DSCAM: variants seen among roughly 807,000 people sequenced by gnomAD.
DSCAM encodes the protein DS cell adhesion molecule.
In DSCAM, 47 loss-of-function variants were observed where a neutral mutation model predicts 217.7. The observed-to-expected ratio is 0.22, with a 90% CI of 0.17 to 0.28. The LOEUF is 0.28. Ranked by LOEUF, DSCAM falls within the 10% of genes least tolerant of loss-of-function variation. The pLI is 1.00. For synonymous variants in DSCAM, 1,056 were observed against 1,015.3 expected, an observed-to-expected ratio of 1.04 and a Z score of -0.76; for missense variants, 2,080 against 2,618.3, an observed-to-expected ratio of 0.79 and a Z score of 4.49.
At chr21:40,175,086 C>T (rs1043686650) in intron 15 of DSCAM, among the ~76,000 whole-genome samples, 3 of 152,168 alleles carry the variant, frequency 2.0e-5, no homozygotes, top group Admixed American at 6.5e-5. Context: ...AACTGCATGA[C>T]TTATACACCA....
In DSCAM at chr21:40,353,786, T is replaced by A. The variant is rs1469352505; in HGVS notation, c.656-43A>T. 1.4e-5 allele frequency: 21 copies of A among 1,456,104 alleles called. 1 individual carries two copies. The South Asian group carries it at 1.8e-4, about 12-fold the overall frequency. 90.2% of individuals were successfully genotyped at this position (1,456,104 alleles called of 1,614,324 possible). ...ACTCTTAGAGGCAGGAATGAGGAGT[T>A]GAAGTGGTCATTTAGAATTGTAGGA... is the stretch of plus-strand genomic sequence containing the variant. On this transcript the variant is annotated intron_variant, in intron 4 of 32. Transcript: ENST00000400454.
At chr21:40,648,690 C>T (rs1042554032) in intron 3 of DSCAM, among the ~76,000 whole-genome samples, 7 of 152,142 alleles carry the variant, frequency 4.6e-5, no homozygotes, top group Non-Finnish European at 8.8e-5. Context: ...TTTGCACACT[C>T]ATAAACCAAT....
At chr21:40,479,008 T>C (rs1427701428) in intron 3 of DSCAM, among the ~76,000 whole-genome samples, 1 of 152,226 alleles carries the variant, frequency 6.6e-6, no homozygotes, top group African/African-American at 2.4e-5. Flanking sequence ...AGACCATGGT[T>C]GATCAAGGAA....
chr21:40,390,001 G>A lies in DSCAM; in HGVS notation c.509-20756C>T, dbSNP rs1253346344. ...TGAGAATAAGCCTCCTTGGTCACCTGCTCATCCTGTGTCTATCCATTCCCC... is the reference window on the plus strand; with the variant it reads ...TGAGAATAAGCCTCCTTGGTCACCTACTCATCCTGTGTCTATCCATTCCCC... On this transcript the variant is annotated intron_variant, in intron 3 of 32. Transcript: ENST00000400454. 2.6e-5 allele frequency among the ~76,000 whole-genome samples: 4 copies of A among 152,310 alleles called. No homozygotes were observed. The East Asian group carries it at 7.7e-4, about 29-fold the overall frequency.
At chr21:40,361,851 G>A (rs2074770113) in intron 4 of DSCAM, among the ~76,000 whole-genome samples, 1 of 152,110 alleles carries the variant, frequency 6.6e-6, no homozygotes, top group African/African-American at 2.4e-5. Flanking sequence ...TCCTTCTCTT[G>A]CTCACATGCA....
At chr21:40,459,802 A>C (rs575594273) in intron 3 of DSCAM, among the ~76,000 whole-genome samples, 1 of 147,894 alleles carries the variant, frequency 6.8e-6, no homozygotes, top group African/African-American at 2.6e-5. Flanking sequence ...ATTTTAAAGA[A>C]AACCTGCCCC....
chr21:40,337,494 T>C (rs569528748), intron 8 of DSCAM, among the ~76,000 whole-genome samples: 1 of 152,062 alleles, frequency 6.6e-6, no homozygotes, highest in South Asian at 2.1e-4. Context: ...CACCTTATTG[T>C]TTTTTTCTGG....
intron 3 of DSCAM, among the ~76,000 whole-genome samples, chr21:40,371,491 G>A (rs2074898492): frequency 6.6e-6 from 1 of 151,762 alleles, no homozygotes; most frequent in Non-Finnish European, 1.5e-5. Flanking sequence ...CATTAGAATT[G>A]ATAGGCCATG....
chr21:40,824,403 A>ATTTTTTTTTT lies in DSCAM; in HGVS notation c.43+22206_43+22215dup, dbSNP rs536114434. Among the ~76,000 whole-genome samples, 708 of 120,896 alleles carry ATTTTTTTTTT rather than the reference A, an allele frequency of 5.9e-3. 37 individuals carry two copies. The highest frequency in any genetic ancestry group is 0.023 in the African/African-American group (662 of 28,624). The allele number at this position is 120,896 out of a possible 152,430, so 79.3% of individuals were successfully genotyped here. A position where few individuals can be genotyped will look rare whatever the true frequency, so the allele number is the denominator to read the frequency against. ...GCTCCCTATCCCATTTTTATTATTG[A>ATTTTTTTTTT]TTTTTTTTTTTTTTTTTGGAGACAG... On this transcript the variant is annotated intron_variant, in intron 1 of 32. Coordinates refer to ENST00000400454, the MANE Select transcript of DSCAM (RefSeq NM_001389.5).
chr21:40,168,487 C>G (rs910006458), intron 15 of DSCAM, among the ~76,000 whole-genome samples: 1 of 152,062 alleles, frequency 6.6e-6, no homozygotes, highest in South Asian at 2.1e-4. Context: ...AAGCAAATGA[C>G]GACACAGAGA....
chr21:40,585,179 C>CTTTCCTTTT (rs371140909), intron 3 of DSCAM, among the ~76,000 whole-genome samples: 2 of 145,916 alleles, frequency 1.4e-5, no homozygotes, highest in African/African-American at 5.0e-5. Flanking sequence ...AAATCAACTT[C>CTTTCCTTTT]TTTTTTTTTT....
chr21:40,097,157 T>C (rs35441342), intron 20 of DSCAM, among the ~76,000 whole-genome samples: 3,723 of 152,184 alleles, frequency 0.024, 62 homozygotes, highest in Non-Finnish European at 0.036. Flanking sequence ...TATTTAAATA[T>C]TATTAAAATA....
intron 1 of DSCAM, among the ~76,000 whole-genome samples, chr21:40,766,691 A>AAAATTT (rs1555887014): frequency 1.5e-5 from 1 of 65,872 alleles, no homozygotes; most frequent in African/African-American, 7.3e-5. Flanking sequence ...AAAAAAAACA[A>AAAATTT]CTTTTTTTTT....
intron 2 of DSCAM, among the ~76,000 whole-genome samples, chr21:40,705,486 G>T (rs1568994055): frequency 6.6e-6 from 1 of 152,060 alleles, no homozygotes. Flanking sequence ...AATTTATAAA[G>T]AAAAGAGGTT....
chr21:40,616,266 A>G (rs978324640), intron 3 of DSCAM, among the ~76,000 whole-genome samples: 1 of 152,064 alleles, frequency 6.6e-6, no homozygotes, highest in Non-Finnish European at 1.5e-5. Context: ...GGCCTAACTG[A>G]CCCTTGGCCA....
chr21:40,321,776 A>C (rs1234526066), intron 8 of DSCAM, among the ~76,000 whole-genome samples: 1 of 152,166 alleles, frequency 6.6e-6, no homozygotes, highest in East Asian at 1.9e-4. Flanking sequence ...CTCTCTGTGC[A>C]GATGCAGACC....
chr21:40,416,636 C>CA (rs200223437), intron 3 of DSCAM, among the ~76,000 whole-genome samples: 22 of 147,704 alleles, frequency 1.5e-4, no homozygotes, highest in East Asian at 9.8e-4. Flanking sequence ...GAGCTATTTG[C>CA]AAAAAAAAAT....
At chr21:40,819,901 A>G (rs912103709) in intron 1 of DSCAM, among the ~76,000 whole-genome samples, 2 of 152,158 alleles carry the variant, frequency 1.3e-5, no homozygotes, top group African/African-American at 4.8e-5. Context: ...CTAACTGTTG[A>G]TGGTTCTAGG....
At chr21:40,311,059 G>C (rs1022357196) in intron 9 of DSCAM, among the ~76,000 whole-genome samples, 1 of 152,074 alleles carries the variant, frequency 6.6e-6, no homozygotes, top group African/African-American at 2.4e-5. Flanking sequence ...CAAGGAAGAA[G>C]AGGTATCAAG....
Sources: gnomAD v4.1 joint callset for allele counts (sites outside exome capture counted in the v4.1 genomes callset) on GRCh38, gnomAD v4.1.1 for gene constraint, MANE v1.5 for transcripts, NCBI Gene and HGNC (gene_info 2026-07-23, HGNC 2026-07-21) for gene names.